Variants in GALNT6 observed in about 807,000 individuals in gnomAD.
The protein encoded by GALNT6 is GalNAc transferase 6.
GALNT6 carries 51 observed loss-of-function variants against 65.9 expected under a neutral mutation model. That is an observed-to-expected ratio of 0.77 (90% confidence interval 0.62 to 0.98). The LOEUF (loss-of-function observed/expected upper bound fraction) is 0.98. GALNT6 is among the 50% of genes least tolerant of loss of function. The pLI is 0.00. For missense variants in GALNT6, 708 were observed against 803.3 expected (o/e 0.88, Z 1.43); for synonymous variants, 323 against 315.1 (o/e 1.02, Z -0.26).
chr12:51,371,937 C>T (rs763023107), intron 4 of GALNT6, among the ~76,000 whole-genome samples: 1 of 152,108 alleles, frequency 6.6e-6, no homozygotes, highest in African/African-American at 2.4e-5. Flanking sequence ...CCACTGTGGA[C>T]GGCAGAGATT....
At position 51,351,375 on chromosome 12, in the gene GALNT6, C is replaced by T. The variant is rs1397187353; in HGVS notation, c.*3004G>A. On this transcript the variant is annotated 3_prime_UTR_variant, in exon 12 of 12. Transcript: ENST00000356317. ...AAATTCATGATGTAACTCTGATCTT[C>T]CAGCTTCTACACCAGTCACTCCCTC... is the stretch of plus-strand genomic sequence containing the variant. 5 of 152,204 alleles carry T rather than the reference C, an allele frequency of 3.3e-5. No homozygotes were observed. The highest frequency in any genetic ancestry group is 1.5e-5 in the Non-Finnish European group (1 of 68,058). 9.4% of individuals were successfully genotyped at this position (152,204 alleles called of 1,614,324 possible).
chr12:51,364,657 G>A (rs1008757581), intron 5 of GALNT6, among the ~76,000 whole-genome samples: 1 of 152,336 alleles, frequency 6.6e-6, no homozygotes, highest in East Asian at 1.9e-4. Context: ...GGTTCCAGCC[G>A]ATCCATTGGC....
At chr12:51,363,682 C>T (rs1467858764) in intron 6 of GALNT6, among the ~76,000 whole-genome samples, 1 of 152,160 alleles carries the variant, frequency 6.6e-6, no homozygotes, top group Non-Finnish European at 1.5e-5. Flanking sequence ...CATACCACTC[C>T]CTCTTATTAC....
At chr12:51,370,311 A>G (rs1184852218) in intron 4 of GALNT6, among the ~76,000 whole-genome samples, 2 of 151,952 alleles carry the variant, frequency 1.3e-5, no homozygotes, top group African/African-American at 4.8e-5. Flanking sequence ...TTGGGAGGCC[A>G]AGGTGGGTGG....
chr12:51,360,894 T>A lies in GALNT6; in HGVS notation c.1050-56A>T. 4 of 1,248,688 alleles carry A rather than the reference T, an allele frequency of 3.2e-6. No homozygotes were observed. The South Asian group carries it at 4.9e-5, about 15-fold the overall frequency. 77.4% of individuals were successfully genotyped at this position (1,248,688 alleles called of 1,614,324 possible). ...CTTCTGGGAGAGGAGGAGCGGAGCC[T>A]GGCGGGGAAAGCTGTTTGTGGACTC... On this transcript the variant is annotated intron_variant, in intron 6 of 11. Coordinates refer to ENST00000356317, the MANE Select transcript of GALNT6 (RefSeq NM_007210.4).
chr12:51,357,406 G>A lies in GALNT6; in HGVS notation c.1545C>T (p.Asn515=), dbSNP rs151305171. The A allele has an allele frequency of 5.7e-5, 92 of 1,613,980 alleles. No individual in the cohort carries two copies. Among genetic ancestry groups the A allele is most frequent in the Middle Eastern group, 1.6e-4 (1 of 6,084 alleles). The change falls in exon 10 of 12, where the codon AAC becomes AAT. Residue 515 remains asparagine (N), a synonymous_variant. Transcript: ENST00000356317. The part of the protein sequence containing the change: ...GTNQCLDVGE[N]NRGGKPLIMY... The stretch of plus-strand genomic sequence containing the variant: ...TGATGAGGGGCTTCCCCCCGCGGTT[G>A]TTCTCACCCACATCCAGGCATTGGT...
At chr12:51,382,748 G>A (rs1421017403) in intron 2 of GALNT6, among the ~76,000 whole-genome samples, 1 of 152,232 alleles carries the variant, frequency 6.6e-6, no homozygotes, top group African/African-American at 2.4e-5. Context: ...AAAGGGACCT[G>A]CTTGGCAGCT....
In GALNT6 at chr12:51,364,311, C is replaced by T. The variant is rs368333854; in HGVS notation, c.859G>A (p.Ala287Thr). Reference sequence around the variant, plus strand: ...CTCACCACCACTGTCTTGTCCTCAGCGATTCGAGCCAGGAGGGGCTCCAGC... The same window carrying T: ...CTCACCACCACTGTCTTGTCCTCAGTGATTCGAGCCAGGAGGGGCTCCAGC... Reference protein sequence around the residue: ...GWLEPLLARIAEDKTVVVSPD... With the variant: ...GWLEPLLARITEDKTVVVSPD... The change falls in exon 6 of 12, where the codon GCT (alanine) becomes ACT (threonine). Residue 287 changes from alanine to threonine, a missense_variant. Physicochemically the swap from Ala to Thr is moderately conservative, Grantham distance 58. Coordinates refer to ENST00000356317, the MANE Select transcript of GALNT6 (RefSeq NM_007210.4). 1.5e-5 allele frequency: 25 copies of T among 1,613,990 alleles called. No homozygotes were observed. The highest frequency in any genetic ancestry group is 1.5e-4 in the Admixed American group (9 of 60,002).
intron 8 of GALNT6, 92 bp from the exon 9 acceptor site, chr12:51,358,353 T>A: frequency 2.8e-6 from 4 of 1,429,382 alleles, no homozygotes; most frequent in Non-Finnish European, 3.8e-6. Flanking sequence ...CAGGCTGGAG[T>A]GCAGTGGTGC....
At chr12:51,373,815 A>G (rs929362593) in intron 4 of GALNT6, among the ~76,000 whole-genome samples, 1 of 152,200 alleles carries the variant, frequency 6.6e-6, no homozygotes, top group Non-Finnish European at 1.5e-5. Flanking sequence ...TTCCTTGTCC[A>G]CCAGACCCTG....
intron 4 of GALNT6, among the ~76,000 whole-genome samples, chr12:51,374,260 C>G (rs902278238): frequency 1.3e-5 from 2 of 152,172 alleles, no homozygotes; most frequent in African/African-American, 4.8e-5. Flanking sequence ...CCTCAATTTC[C>G]TGGGCTCAAG....
Position 51,370,761 on chromosome 12 carries a change from T to C in GALNT6, c.665-5182A>G, listed in dbSNP as rs151209079. 2.7e-3 allele frequency among the ~76,000 whole-genome samples: 409 copies of C among 152,100 alleles called. 2 individuals are homozygous for C. Among genetic ancestry groups the C allele is most frequent in the African/African-American group, 9.6e-3 (398 of 41,460 alleles). On this transcript the variant is annotated intron_variant, in intron 4 of 11. Coordinates refer to ENST00000356317, the MANE Select transcript of GALNT6 (RefSeq NM_007210.4). ...GTTTGGGATGACAAAAAATAAGTTA[T>C]TGGCTGGTTGTGGTGACTCACGCAT...
chr12:51,376,980 C>A (rs1947475571), intron 4 of GALNT6, among the ~76,000 whole-genome samples: 1 of 152,212 alleles, frequency 6.6e-6, no homozygotes. Flanking sequence ...GAAGCCAGAG[C>A]TGAAAAGCTC....
At chr12:51,358,596 C>T (rs1248630817) in intron 8 of GALNT6, among the ~76,000 whole-genome samples, 1 of 152,150 alleles carries the variant, frequency 6.6e-6, no homozygotes, top group African/African-American at 2.4e-5. Context: ...CCACCACACC[C>T]AGCCAGTTCC....
intron 2 of GALNT6, among the ~76,000 whole-genome samples, chr12:51,381,196 C>T (rs144788681): frequency 3.0e-4 from 45 of 152,298 alleles, no homozygotes; most frequent in African/African-American, 1.0e-3. Flanking sequence ...GCTATAATCG[C>T]ACCATTGCTC....
intron 2 of GALNT6, among the ~76,000 whole-genome samples, chr12:51,383,807 C>T (rs1459605868): frequency 6.6e-6 from 1 of 152,124 alleles, no homozygotes; most frequent in African/African-American, 2.4e-5. Flanking sequence ...TTAGAAGAGA[C>T]ACAGAATCTA....
intron 10 of GALNT6, 59 bp from the exon 11 acceptor site, chr12:51,356,017 C>T: frequency 3.3e-6 from 5 of 1,516,944 alleles, no homozygotes; most frequent in Non-Finnish European, 4.6e-6. Flanking sequence ...CCAAAGCCAC[C>T]TGCCCTGAGC....
intron 4 of GALNT6, among the ~76,000 whole-genome samples, chr12:51,370,140 C>A (rs1246091128): frequency 6.6e-6 from 1 of 152,222 alleles, no homozygotes; most frequent in Admixed American, 6.5e-5. Context: ...ATGTTCACAG[C>A]AGCATTAGTC....
In GALNT6 at chr12:51,365,588, G is replaced by A. The variant is rs1947076774; in HGVS notation, c.665-9C>T. The A allele has an allele frequency of 6.2e-7, 1 of 1,613,082 alleles. No homozygotes were observed. The highest frequency in any genetic ancestry group is 1.7e-4 in the Middle Eastern group (1 of 5,952). ...CTTCTCCTTTAGGTGCTCTGGAAGG[G>A]ACAGTGTCATTGTGGCCAGTCCACC... On this transcript the variant is annotated splice_polypyrimidine_tract_variant and intron_variant, in intron 4 of 11. Coordinates refer to ENST00000356317, the MANE Select transcript of GALNT6 (RefSeq NM_007210.4).
Sources: gnomAD v4.1 joint callset for allele counts (sites outside exome capture counted in the v4.1 genomes callset) on GRCh38, gnomAD v4.1.1 for gene constraint, MANE v1.5 for transcripts, NCBI Gene and HGNC (gene_info 2026-07-23, HGNC 2026-07-21) for gene names.